THAP12: variants seen among roughly 807,000 people sequenced by gnomAD.
THAP12 encodes the protein THAP domain containing 12.
THAP12 carries 20 observed loss-of-function variants against 63.0 expected under a neutral mutation model. The ratio of observed to expected loss-of-function variants is 0.32; its 90% CI spans 0.22 to 0.46. THAP12 has a LOEUF of 0.46. THAP12 is among the 20% of genes least tolerant of loss of function. THAP12 has a pLI of 1.00. For synonymous variants in THAP12, 264 were observed against 328.4 expected (o/e 0.80, Z 2.12); for missense variants, 568 against 908.2 (o/e 0.63, Z 4.81).
Position 76,380,299 on chromosome 11 carries a change from C to T in THAP12, c.89+449G>A, listed in dbSNP as rs563391286. On this transcript the variant is annotated intron_variant, in intron 1 of 4. Transcript: ENST00000260045. ...GATGAGATGAAAGAAGGTAGCGGGA[C>T]TCAAAACAGAAACACTGTCCCGGGG... Among the ~76,000 whole-genome samples, 4 of 152,296 alleles carry T rather than the reference C, an allele frequency of 2.6e-5. No homozygotes were observed. The South Asian group carries it at 8.3e-4, about 32-fold the overall frequency.
At chr11:76,378,870 A>G (rs1041309334) in intron 1 of THAP12, among the ~76,000 whole-genome samples, 36 of 152,190 alleles carry the variant, frequency 2.4e-4, no homozygotes, top group African/African-American at 7.9e-4. Context: ...AGGCCTCCCA[A>G]AGTGCTGGGA....
chr11:76,376,013 T>C (rs530155160), intron 1 of THAP12, among the ~76,000 whole-genome samples: 2 of 152,288 alleles, frequency 1.3e-5, no homozygotes, highest in South Asian at 2.1e-4. Flanking sequence ...GGCAAATTTA[T>C]AAAGACCGAA....
chr11:76,372,285 A>G (rs974016565), intron 1 of THAP12, among the ~76,000 whole-genome samples: 3 of 152,032 alleles, frequency 2.0e-5, no homozygotes, highest in African/African-American at 7.2e-5. Flanking sequence ...CACCTTCAGC[A>G]CTAGTCAACC....
intron 3 of THAP12, chr11:76,357,438 T>TA (rs1381324290): frequency 2.0e-5 from 3 of 152,104 alleles, no homozygotes; most frequent in Non-Finnish European, 4.4e-5. Flanking sequence ...ATTTAAGGTG[T>TA]AAGTCCTCAG....
chr11:76,380,752 C>T lies in THAP12; in HGVS notation c.85G>A (p.Ala29Thr), dbSNP rs1946751258. The T allele has an allele frequency of 2.1e-6, 3 of 1,448,682 alleles. No individual in the cohort carries two copies. In the African/African-American group the frequency reaches 4.4e-5, roughly 21 times the overall value. 89.7% of individuals were successfully genotyped at this position (1,448,682 alleles called of 1,614,324 possible). ...CGCTCTGCGCCCGCCGCTTACCTGG[C>T]AGGGTCCCGCGGGAACCTGAAGAAG... is the stretch of plus-strand genomic sequence containing the variant. Reference protein sequence around the residue: ...LAFFRFPRDPARCQKWVENCR... With the variant: ...LAFFRFPRDPTRCQKWVENCR... The change falls in exon 1 of 5, where the codon GCC (alanine) becomes ACC (threonine). Residue 29 changes from alanine to threonine, a missense_variant. By Grantham distance (58) the Ala-to-Thr change is moderately conservative. Transcript: ENST00000260045.
At chr11:76,373,285 G>T (rs145909067) in intron 1 of THAP12, among the ~76,000 whole-genome samples, 284 of 150,666 alleles carry the variant, frequency 1.9e-3, no homozygotes, top group African/African-American at 6.6e-3. Context: ...GGCAGAGGTT[G>T]CAATGACTGG....
At position 76,352,298 on chromosome 11, in the gene THAP12, A is replaced by G. The variant is rs377539755; in HGVS notation, c.852T>C (p.Asp284=). The part of the protein sequence containing the change: ...EHLPVLVRFV[D]ESHNLREEFI... The stretch of plus-strand genomic sequence containing the variant: ...ATTCCTCTCTTAGGTTATGAGATTC[A>G]TCAACAAACCTCACCAACACAGGTA... The change falls in exon 5 of 5, where the codon GAT becomes GAC. Residue 284 remains aspartate, a synonymous_variant. Coordinates refer to ENST00000260045, the MANE Select transcript of THAP12 (RefSeq NM_004705.4). 3.9e-5 allele frequency: 63 copies of G among 1,611,762 alleles called. No individual in the cohort carries two copies. Among genetic ancestry groups the G allele is most frequent in the Non-Finnish European group, 5.2e-5 (61 of 1,179,816 alleles).
At chr11:76,372,310 CTTTGT>C (rs890836765) in intron 1 of THAP12, among the ~76,000 whole-genome samples, 28 of 151,760 alleles carry the variant, frequency 1.8e-4, no homozygotes, top group Admixed American at 3.9e-4. Flanking sequence ...CTGATTACTT[CTTTGT>C]TTTGTTTTTG....
intron 2 of THAP12, among the ~76,000 whole-genome samples, chr11:76,361,733 C>T (rs1946598892): frequency 6.6e-6 from 1 of 152,310 alleles, no homozygotes; most frequent in Admixed American, 6.5e-5. Context: ...TGTATTTTTA[C>T]ACAATCTACT....
intron 2 of THAP12, among the ~76,000 whole-genome samples, chr11:76,362,914 G>A (rs910186468): frequency 6.6e-6 from 1 of 152,182 alleles, no homozygotes; most frequent in African/African-American, 2.4e-5. Flanking sequence ...GGCCTTGGCC[G>A]GGTAGACGGC....
At chr11:76,375,747 T>TGGGGGGG (rs142075711) in intron 1 of THAP12, among the ~76,000 whole-genome samples, 11 of 85,278 alleles carry the variant, frequency 1.3e-4, no homozygotes, top group South Asian at 6.6e-4. Flanking sequence ...GAAGAAAAGG[T>TGGGGGGG]GGGGGGGGGG....
intron 1 of THAP12, among the ~76,000 whole-genome samples, chr11:76,372,418 A>AAAG (rs1555025718): frequency 9.0e-4 from 136 of 150,992 alleles, no homozygotes; most frequent in Middle Eastern, 3.4e-3. Context: ...AAAAAAAAAA[A>AAAG]AGAGAGAGAG....
At chr11:76,374,895 A>T (rs1348718317) in intron 1 of THAP12, among the ~76,000 whole-genome samples, 2 of 152,038 alleles carry the variant, frequency 1.3e-5, no homozygotes, top group Non-Finnish European at 2.9e-5. Context: ...GGGAAGCCTT[A>T]TTTGCCCCTT....
At chr11:76,368,434 G>T (rs189133734) in intron 1 of THAP12, 1 of 152,152 alleles carries the variant, frequency 6.6e-6, no homozygotes, top group Admixed American at 6.5e-5. Flanking sequence ...GAGAGCAAGA[G>T]AAAGAAATGA....
chr11:76,350,205 C>T lies in THAP12; in HGVS notation c.*659G>A, dbSNP rs939790110. ...CTCTGATTCTGTCTCAACCATGAAACAGAAGTGTTCAACATATACCTGCTA... is the reference window on the plus strand; with the variant it reads ...CTCTGATTCTGTCTCAACCATGAAATAGAAGTGTTCAACATATACCTGCTA... On this transcript the variant is annotated 3_prime_UTR_variant, in exon 5 of 5. Coordinates refer to ENST00000260045, the MANE Select transcript of THAP12 (RefSeq NM_004705.4). The T allele has an allele frequency of 6.6e-6, 1 of 152,326 alleles. No individual in the cohort carries two copies. 9.4% of individuals were successfully genotyped at this position (152,326 alleles called of 1,614,324 possible).
Position 76,380,774 on chromosome 11 carries a change from G to A in THAP12, c.63C>T (p.Phe21=), listed in dbSNP as rs1018411518. 2.0e-6 allele frequency: 3 copies of A among 1,465,338 alleles called. No homozygotes were observed. Among genetic ancestry groups the A allele is most frequent in the African/African-American group, 1.5e-5 (1 of 68,132 alleles). 90.8% of individuals were successfully genotyped at this position (1,465,338 alleles called of 1,614,324 possible). ...TGGCAGGGTCCCGCGGGAACCTGAA[G>A]AAGGCCAAGTCGGACTGCGTGCTCT... ...TRKSTQSDLA[F]FRFPRDPARC... The change falls in exon 1 of 5, where the codon TTC becomes TTT. Residue 21 remains phenylalanine (F), a synonymous_variant. Coordinates refer to ENST00000260045, the MANE Select transcript of THAP12 (RefSeq NM_004705.4).
chr11:76,351,730 C>A lies in THAP12; in HGVS notation c.1420G>T (p.Val474Leu), dbSNP rs772733726. ...GTAACAATGAAATCAAAATCTGACA[C>A]TGCACTGCAGAGTACAAATGCTCGG... ...AGRAFVLCSA[V>L]SDFDFIVTIV... The change falls in exon 5 of 5, where the codon GTG becomes TTG. Residue 474 changes from valine (V) to leucine (L), a missense_variant. By Grantham distance (32) the Val-to-Leu change is conservative. Coordinates refer to ENST00000260045, the MANE Select transcript of THAP12 (RefSeq NM_004705.4). 5.0e-6 allele frequency: 8 copies of A among 1,611,046 alleles called. No homozygotes were observed. In the African/African-American group the frequency reaches 1.1e-4, roughly 22 times the overall value.
chr11:76,366,473 A>C (rs1946631602), intron 1 of THAP12, among the ~76,000 whole-genome samples: 2 of 152,228 alleles, frequency 1.3e-5, no homozygotes, highest in Non-Finnish European at 2.9e-5. Flanking sequence ...GGAGGTCAGG[A>C]GATCGAGACC....
intron 1 of THAP12, among the ~76,000 whole-genome samples, chr11:76,378,100 G>A (rs1182016521): frequency 1.3e-5 from 2 of 152,090 alleles, no homozygotes; most frequent in African/African-American, 2.4e-5. Flanking sequence ...TCTTTTTACT[G>A]CATGTATTTT....
Sources: gnomAD v4.1 joint callset for allele counts (sites outside exome capture counted in the v4.1 genomes callset) on GRCh38, gnomAD v4.1.1 for gene constraint, MANE v1.5 for transcripts, NCBI Gene and HGNC (gene_info 2026-07-23, HGNC 2026-07-21) for gene names.